The following STK3 variants were observed in gnomAD, a reference collection of about 807,000 sequenced individuals.
The protein encoded by STK3 is serine/threonine kinase 3, also known as serine/threonine-protein kinase 3.
STK3 carries 41 observed loss-of-function variants against 58.0 expected under a neutral mutation model. The observed-to-expected ratio is 0.71, with a 90% CI of 0.55 to 0.92. STK3 has a LOEUF of 0.92. STK3 is among the 40% of genes least tolerant of loss of function. STK3 has a pLI of 0.00. For missense variants in STK3, 479 were observed against 602.7 expected (o/e 0.79, Z 2.15); for synonymous variants, 170 against 191.0 (o/e 0.89, Z 0.91).
chr8:98,375,102 A>T (rs1429113901), intron 2 of STK3, among the ~76,000 whole-genome samples: 1 of 151,528 alleles, frequency 6.6e-6, no homozygotes, highest in Non-Finnish European at 1.5e-5. Context: ...AAAAAAAAAA[A>T]CTATTAGCCA....
intron 8 of STK3, among the ~76,000 whole-genome samples, chr8:98,572,168 A>G (rs1239109454): frequency 6.6e-6 from 1 of 152,188 alleles, no homozygotes; most frequent in Non-Finnish European, 1.5e-5. Context: ...TAGTATTTTA[A>G]AAATCATCAA....
intron 6 of STK3, among the ~76,000 whole-genome samples, chr8:98,680,625 A>C (rs1484779431): frequency 6.6e-6 from 1 of 152,242 alleles, no homozygotes; most frequent in Non-Finnish European, 1.5e-5. Context: ...TACAGAAGAC[A>C]AAGTTGGGAT....
intron 1 of STK3, among the ~76,000 whole-genome samples, chr8:98,382,144 TG>T (rs1461012582): frequency 6.6e-6 from 1 of 151,704 alleles, no homozygotes; most frequent in Non-Finnish European, 1.5e-5. Flanking sequence ...GCAGGAGCCC[TG>T]GGTGGAGACA....
Position 98,709,369 on chromosome 8 carries a change from G to GA in STK3, c.352-2059dup, listed in dbSNP as rs375355746. 9.6e-3 allele frequency among the ~76,000 whole-genome samples: 1,432 copies of GA among 149,582 alleles called. 18 individuals carry two copies. The highest frequency in any genetic ancestry group is 0.033 in the African/African-American group (1,332 of 40,800). On this transcript the variant is annotated intron_variant, in intron 4 of 10. Transcript: ENST00000419617. ...CTGGGAACATACACTCCACAAAAAG[G>GA]AAAAAAAAAGATTAAAATATCTTGA...
At chr8:98,470,189 A>T (rs1299624285) in intron 10 of STK3, among the ~76,000 whole-genome samples, 1 of 152,216 alleles carries the variant, frequency 6.6e-6, no homozygotes, top group Non-Finnish European at 1.5e-5. Flanking sequence ...ATTACCTTCA[A>T]ACTGCCAAAA....
chr8:98,642,392 A>G (rs1419032802), intron 6 of STK3, among the ~76,000 whole-genome samples: 1 of 152,184 alleles, frequency 6.6e-6, no homozygotes, highest in Non-Finnish European at 1.5e-5. Flanking sequence ...TGAAGACATT[A>G]GTTACCATTT....
chr8:98,941,526 C>T (rs1008739315), intron 1 of STK3, among the ~76,000 whole-genome samples: 1 of 152,366 alleles, frequency 6.6e-6, no homozygotes, highest in Non-Finnish European at 1.5e-5. Context: ...ACATTGTATT[C>T]TTTAAAGATT....
chr8:98,531,419 AGTAG>A (rs1229568165), intron 9 of STK3, among the ~76,000 whole-genome samples: 2 of 152,178 alleles, frequency 1.3e-5, no homozygotes, highest in African/African-American at 4.8e-5. Context: ...TTTTCTCAGC[AGTAG>A]GTCTCAACAG....
intron 6 of STK3, among the ~76,000 whole-genome samples, chr8:98,652,295 AC>A (rs1821015639): frequency 1.3e-5 from 2 of 152,054 alleles, no homozygotes; most frequent in South Asian, 4.1e-4. Flanking sequence ...AGATTTTGTC[AC>A]CACCAGGCCT....
At chr8:98,820,337 C>A (rs374419114) in intron 1 of STK3, among the ~76,000 whole-genome samples, 46 of 152,220 alleles carry the variant, frequency 3.0e-4, no homozygotes, top group African/African-American at 1.1e-3. Context: ...ATAGCTTATT[C>A]TTTTACTATC....
At chr8:98,596,304 C>T in intron 6 of STK3, 135 bp from the exon 7 acceptor site, 1 of 1,033,430 alleles carries the variant, frequency 9.7e-7, no homozygotes, top group Non-Finnish European at 1.3e-6. Context: ...TTTCTAGTAA[C>T]ACTGAAATTC....
intron 6 of STK3, among the ~76,000 whole-genome samples, chr8:98,606,501 A>T (rs1262538852): frequency 6.6e-6 from 1 of 152,200 alleles, no homozygotes; most frequent in Non-Finnish European, 1.5e-5. Context: ...TGAAGCCCCT[A>T]GATAGCTTCA....
downstream of STK3, among the ~76,000 whole-genome samples, chr8:98,400,776 TAA>T (rs34133990): frequency 6.6e-6 from 1 of 151,412 alleles, no homozygotes; most frequent in Admixed American, 6.6e-5. Flanking sequence ...TTGTCTTTTT[TAA>T]AAAAAAAATA....
chr8:98,772,652 C>A (rs1409926410), intron 2 of STK3, among the ~76,000 whole-genome samples: 1 of 152,054 alleles, frequency 6.6e-6, no homozygotes, highest in Non-Finnish European at 1.5e-5. Flanking sequence ...GCCACGATCA[C>A]GCCATTGCAC....
At chr8:98,586,151 G>C (rs1293282806) in intron 7 of STK3, among the ~76,000 whole-genome samples, 3 of 151,724 alleles carry the variant, frequency 2.0e-5, no homozygotes, top group Admixed American at 1.3e-4. Context: ...GGAGTGGTGA[G>C]AGAGGGCATC....
chr8:98,513,852 G>T (rs1824717949), intron 10 of STK3, among the ~76,000 whole-genome samples: 1 of 152,164 alleles, frequency 6.6e-6, no homozygotes, highest in Non-Finnish European at 1.5e-5. Flanking sequence ...TCTAGAGAGA[G>T]GGGAGGAGTT....
At chr8:98,493,404 G>A (rs1822871233) in intron 10 of STK3, among the ~76,000 whole-genome samples, 1 of 152,132 alleles carries the variant, frequency 6.6e-6, no homozygotes, top group South Asian at 2.1e-4. Flanking sequence ...CCGCTCTGAA[G>A]CAGTCTGGCT....
At chr8:98,926,966 A>C (rs998625507) in intron 1 of STK3, among the ~76,000 whole-genome samples, 1 of 152,256 alleles carries the variant, frequency 6.6e-6, no homozygotes, top group Non-Finnish European at 1.5e-5. Flanking sequence ...GCCCGAATGC[A>C]GACTAGGCTG....
intron 3 of STK3, chr8:98,412,881 C>G: frequency 4.1e-6 from 1 of 242,200 alleles, no homozygotes; most frequent in East Asian, 1.5e-4. Flanking sequence ...CAAAATTAAG[C>G]TTAGTTACTA....
Sources: allele counts gnomAD v4.1 joint callset (sites outside exome capture counted in the v4.1 genomes callset), GRCh38; gene constraint gnomAD v4.1.1; transcripts MANE v1.5; gene names NCBI Gene and HGNC (gene_info 2026-07-23, HGNC 2026-07-21).